Variants in RBM34 observed in about 807,000 individuals in gnomAD.
RBM34 encodes the protein RNA binding motif protein 34.
RBM34 carries 39 observed loss-of-function variants against 44.6 expected under a neutral mutation model. The ratio of observed to expected loss-of-function variants is 0.87; its 90% CI spans 0.68 to 1.14. RBM34 has a LOEUF of 1.14. Ranked by LOEUF, RBM34 falls within the 50% of genes most tolerant of loss-of-function variation. RBM34 has a pLI of 0.00. For missense variants in RBM34, 572 were observed against 517.9 expected (o/e 1.10, Z -1.01); for synonymous variants, 194 against 184.0 (o/e 1.05, Z -0.44).
At chr1:235,159,564 A>T (rs1334653954) in intron 3 of RBM34, among the ~76,000 whole-genome samples, 14 of 149,514 alleles carry the variant, frequency 9.4e-5, no homozygotes, top group African/African-American at 2.5e-4. Context: ...AAAAAAAAAA[A>T]TTTTTTTTTT....
chr1:235,149,303 G>T (rs886662855), intron 5 of RBM34, among the ~76,000 whole-genome samples: 9 of 151,320 alleles, frequency 5.9e-5, no homozygotes, highest in Non-Finnish European at 2.9e-5. Flanking sequence ...GCAGGAGAAT[G>T]GCGTGAACCC....
chr1:235,150,393 A>G (rs1015393751), intron 5 of RBM34, among the ~76,000 whole-genome samples: 1 of 152,176 alleles, frequency 6.6e-6, no homozygotes, highest in Non-Finnish European at 1.5e-5. Context: ...TAAAGATATT[A>G]ATACATAAGT....
chr1:235,135,575 T>G lies in RBM34; in HGVS notation c.1008+77A>C. 4.1e-6 allele frequency: 5 copies of G among 1,211,840 alleles called. No individual in the cohort carries two copies. In the South Asian group the frequency reaches 6.2e-5, roughly 15 times the overall value. 75.1% of individuals were successfully genotyped at this position (1,211,840 alleles called of 1,614,324 possible). On this transcript the variant is annotated intron_variant, in intron 10 of 10. Coordinates refer to ENST00000408888, the MANE Select transcript of RBM34 (RefSeq NM_015014.4). ...TGAGAATGGAAGTGAAAGTTATGTC[T>G]CAATGATGACATGCAACAGTGTCAA...
intron 10 of RBM34, among the ~76,000 whole-genome samples, chr1:235,132,460 C>T (rs1661248949): frequency 6.6e-6 from 1 of 152,148 alleles, no homozygotes; most frequent in African/African-American, 2.4e-5. Context: ...AGGCGCGGGC[C>T]AACATACCCA....
Position 235,154,944 on chromosome 1 carries a change from T to C in RBM34, c.534A>G (p.Glu178=). The change falls in exon 4 of 11, where the codon GAA becomes GAG. Residue 178 remains glutamate (E), a synonymous_variant. Coordinates refer to ENST00000408888, the MANE Select transcript of RBM34 (RefSeq NM_015014.4). ...QRKKIQINQE[E]ERLKNERTVF... is the part of the protein sequence containing the mutation. ...CAGTTCTCTCATTCTTTAATCTCTC[T>C]TCTTCTTGGTTGATTTGAATTTTCT... 6.2e-7 allele frequency: 1 copy of C among 1,614,068 alleles called. No individual in the cohort carries two copies. Among genetic ancestry groups the C allele is most frequent in the Non-Finnish European group, 8.5e-7 (1 of 1,179,960 alleles).
At position 235,131,211 on chromosome 1, in the gene RBM34, A is replaced by G. The variant is rs1390295792; in HGVS notation, c.*502T>C. 6.5e-6 allele frequency: 1 copy of G among 153,934 alleles called. No homozygotes were observed. The highest frequency in any genetic ancestry group is 2.4e-5 in the African/African-American group (1 of 41,456). 9.5% of individuals were successfully genotyped at this position (153,934 alleles called of 1,614,324 possible). On this transcript the variant is annotated 3_prime_UTR_variant, in exon 11 of 11. Coordinates refer to ENST00000408888, the MANE Select transcript of RBM34 (RefSeq NM_015014.4). ...GGTTAAGAGCAGAGGTTTAATAGGC[A>G]AAAGAGAAAGGAGGCTTGGGTGCAG...
At chr1:235,142,275 C>T (rs1304071838) in intron 6 of RBM34, among the ~76,000 whole-genome samples, 1 of 148,476 alleles carries the variant, frequency 6.7e-6, no homozygotes, top group Admixed American at 6.7e-5. Flanking sequence ...AACTGACAAG[C>T]AATAGCACTT....
chr1:235,133,169 T>C (rs1370042857), intron 10 of RBM34, among the ~76,000 whole-genome samples: 1 of 151,906 alleles, frequency 6.6e-6, no homozygotes, highest in African/African-American at 2.4e-5. Context: ...TGGTGAATCC[T>C]GTCTCTACAA....
chr1:235,154,859 C>T (rs751654642), intron 4 of RBM34, 22 bp downstream of exon 4: 1 of 1,582,168 alleles, frequency 6.3e-7, no homozygotes, highest in South Asian at 1.1e-5. Flanking sequence ...CTTCTCTGAA[C>T]TTTTACCATA....
chr1:235,138,860 C>G (rs1167210326), intron 6 of RBM34, among the ~76,000 whole-genome samples: 1 of 152,152 alleles, frequency 6.6e-6, no homozygotes, highest in African/African-American at 2.4e-5. Context: ...ATTTGGCCTG[C>G]AGAATTCCCC....
chr1:235,153,653 C>T (rs1230115024), intron 4 of RBM34, among the ~76,000 whole-genome samples: 1 of 152,150 alleles, frequency 6.6e-6, no homozygotes, highest in African/African-American at 2.4e-5. Flanking sequence ...CTCGAACTCC[C>T]GACCTCAGGG....
In RBM34 at chr1:235,133,990, T is replaced by A. The variant is rs550284343; in HGVS notation, c.1008+1662A>T. Among the ~76,000 whole-genome samples the A allele has an allele frequency of 1.3e-4, 20 of 152,202 alleles. No homozygotes were observed. In the South Asian group the frequency reaches 3.5e-3, roughly 27 times the overall value. ...CAATCCTCCAGCCTCAGCCTCCTGA[T>A]AGGACCACAGGCGCTGGCCACCATG... On this transcript the variant is annotated intron_variant, in intron 10 of 10. Transcript: ENST00000408888.
intron 8 of RBM34, among the ~76,000 whole-genome samples, chr1:235,137,053 T>C (rs1289997038): frequency 6.6e-6 from 1 of 152,170 alleles, no homozygotes; most frequent in Non-Finnish European, 1.5e-5. Flanking sequence ...TATTATGAAA[T>C]TTATTCCCCT....
At chr1:235,147,819 CA>C (rs1661969165) in intron 6 of RBM34, among the ~76,000 whole-genome samples, 1 of 152,186 alleles carries the variant, frequency 6.6e-6, no homozygotes, top group South Asian at 2.1e-4. Flanking sequence ...GAGAGAAAAA[CA>C]CCCAAGATAT....
At chr1:235,159,292 A>G (rs1302742078) in intron 3 of RBM34, among the ~76,000 whole-genome samples, 2 of 151,836 alleles carry the variant, frequency 1.3e-5, no homozygotes, top group Non-Finnish European at 2.9e-5. Context: ...TGGCTCACGT[A>G]TGTAATCCCA....
chr1:235,145,420 GCGTGCACCA>G (rs1034006072), intron 6 of RBM34, among the ~76,000 whole-genome samples: 1 of 151,978 alleles, frequency 6.6e-6, no homozygotes, highest in Non-Finnish European at 1.5e-5. Context: ...TGGACTACAG[GCGTGCACCA>G]CCTTGCCCAG....
chr1:235,147,454 A>G (rs967127208), intron 6 of RBM34, among the ~76,000 whole-genome samples: 1 of 152,328 alleles, frequency 6.6e-6, no homozygotes, highest in African/African-American at 2.4e-5. Context: ...GAAGGGTTGT[A>G]TCTTACTAAG....
chr1:235,140,118 G>A (rs926229255), intron 6 of RBM34, among the ~76,000 whole-genome samples: 1 of 152,246 alleles, frequency 6.6e-6, no homozygotes, highest in Non-Finnish European at 1.5e-5. Flanking sequence ...AGGTGACAGC[G>A]TGCTGGCAGT....
chr1:235,135,116 C>A (rs1311478030), intron 10 of RBM34, among the ~76,000 whole-genome samples: 4 of 143,240 alleles, frequency 2.8e-5, no homozygotes, highest in African/African-American at 8.0e-5. Flanking sequence ...GTGATCTCGG[C>A]TCAATGAAAC....
Sources: allele counts gnomAD v4.1 joint callset (sites outside exome capture counted in the v4.1 genomes callset), GRCh38; gene constraint gnomAD v4.1.1; transcripts MANE v1.5; gene names NCBI Gene and HGNC (gene_info 2026-07-23, HGNC 2026-07-21).